DEPDC5: variants seen among roughly 807,000 people sequenced by gnomAD.
DEPDC5 encodes DEP domain containing 5, GATOR1 subcomplex subunit.
Under a neutral mutation model 217.3 loss-of-function variants are expected in DEPDC5, and 73 were observed. The ratio of observed to expected loss-of-function variants is 0.34; its 90% CI spans 0.28 to 0.41. The LOEUF is 0.41. Among genes scored for constraint, DEPDC5 ranks in the 10% least tolerant of loss-of-function variants. DEPDC5 has a pLI of 1.00. For missense variants in DEPDC5, 1,675 were observed against 2,070.1 expected, an observed-to-expected ratio of 0.81 and a Z score of 3.70; for synonymous variants, 733 against 756.7, an observed-to-expected ratio of 0.97 and a Z score of 0.51.
At chr22:31,815,826 C>T in intron 21 of DEPDC5, 1 of 1,196,258 alleles carries the variant, frequency 8.4e-7, no homozygotes, top group East Asian at 4.0e-5. Flanking sequence ...AATGTTACCG[C>T]ACCCTGCCTC....
chr22:31,814,865 G>A (rs1602096522), intron 20 of DEPDC5, 127 bp from the exon 21 acceptor site: 2 of 940,942 alleles, frequency 2.1e-6, no homozygotes, highest in Non-Finnish European at 3.3e-6. Flanking sequence ...TTTCCCACTT[G>A]TAGATCACAC....
chr22:31,864,501 A>AAAATATATAT (rs574324972), intron 33 of DEPDC5, among the ~76,000 whole-genome samples: 6 of 123,160 alleles, frequency 4.9e-5, no homozygotes, highest in Non-Finnish European at 1.0e-4. Context: ...TCTTCATTAA[A>AAAATATATAT]ATATATATAT....
intron 31 of DEPDC5, among the ~76,000 whole-genome samples, chr22:31,848,962 C>T (rs2091888917): frequency 6.6e-6 from 1 of 152,158 alleles, no homozygotes; most frequent in African/African-American, 2.4e-5. Flanking sequence ...CAAGAGAGAC[C>T]TTTACTCCAG....
intron 31 of DEPDC5, among the ~76,000 whole-genome samples, chr22:31,854,945 T>C (rs561996415): frequency 6.6e-6 from 1 of 151,902 alleles, no homozygotes; most frequent in Non-Finnish European, 1.5e-5. Context: ...AAGGACTTAA[T>C]TGAGTCTTGC....
At chr22:31,765,175 G>T in intron 5 of DEPDC5, 115 bp downstream of exon 5, 1 of 797,448 alleles carries the variant, frequency 1.3e-6, no homozygotes. Flanking sequence ...TTAAATGTGT[G>T]GCCTGCTAGG....
chr22:31,897,413 T>C, intron 39 of DEPDC5, 69 bp from the exon 40 acceptor site: 1 of 1,537,944 alleles, frequency 6.5e-7, no homozygotes, highest in Non-Finnish European at 8.8e-7. Context: ...GGTTTTCTCC[T>C]TGGGAAGTAT....
chr22:31,810,461 G>C, intron 19 of DEPDC5, 60 bp from the exon 20 acceptor site: 2 of 1,605,960 alleles, frequency 1.2e-6, no homozygotes, highest in Non-Finnish European at 1.7e-6. Flanking sequence ...GTGTATTTCA[G>C]CTCTCAGGCA....
chr22:31,799,735 C>T (rs569030841), intron 14 of DEPDC5, among the ~76,000 whole-genome samples: 8 of 149,192 alleles, frequency 5.4e-5, no homozygotes, highest in South Asian at 2.1e-4. Context: ...CTCCTGACCT[C>T]GTGATCCACC....
At chr22:31,888,240 GTTTTTTTTTTTTTTTT>G (rs71184531) in intron 38 of DEPDC5, among the ~76,000 whole-genome samples, 1 of 66,352 alleles carries the variant, frequency 1.5e-5, no homozygotes, top group African/African-American at 6.4e-5. Flanking sequence ...TTTGTCTGTG[GTTTTTTTTTTTTTTTT>G]TTTTTTTTTT....
At chr22:31,769,600 A>C (rs1411853999) in intron 7 of DEPDC5, 2 of 152,148 alleles carry the variant, frequency 1.3e-5, no homozygotes, top group Non-Finnish European at 2.9e-5. Flanking sequence ...TGAAGAAAAA[A>C]GAGACTTTGT....
intron 18 of DEPDC5, among the ~76,000 whole-genome samples, chr22:31,809,262 G>C (rs1431445258): frequency 6.6e-6 from 1 of 152,170 alleles, no homozygotes; most frequent in African/African-American, 2.4e-5. Context: ...TTTGGGTCAG[G>C]TGGGACAAAC....
chr22:31,772,406 G>A (rs2083442815), intron 7 of DEPDC5, among the ~76,000 whole-genome samples: 1 of 152,192 alleles, frequency 6.6e-6, no homozygotes, highest in Non-Finnish European at 1.5e-5. Flanking sequence ...GCCTGGATCT[G>A]TATCTGCAGA....
At position 31,906,149 on chromosome 22, in the gene DEPDC5, C is replaced by T; in HGVS notation, c.4520-56C>T. 2 of 1,613,044 alleles carry T rather than the reference C, an allele frequency of 1.2e-6. No homozygotes were observed. Among genetic ancestry groups the T allele is most frequent in the Non-Finnish European group, 8.5e-7 (1 of 1,179,408 alleles). On this transcript the variant is annotated intron_variant, in intron 42 of 42. Coordinates refer to ENST00000651528, the MANE Select transcript of DEPDC5 (RefSeq NM_001242896.3). The surrounding 1 kb of genome is among the most constrained non-coding windows in gnomAD (Gnocchi z 5.1). ...GCCTATGGCTGCAGAACCACCTCAG[C>T]AGGCTCCAGGAGCCCTCCTGGTGGC...
At position 31,906,392 on chromosome 22, in the gene DEPDC5, T is replaced by G. The variant is rs754737015; in HGVS notation, c.4707T>G (p.Ala1569=). 5.0e-6 allele frequency: 8 copies of G among 1,614,114 alleles called. No individual in the cohort carries two copies. Among genetic ancestry groups the G allele is most frequent in the Middle Eastern group, 1.6e-4 (1 of 6,062 alleles). ...GCGCCACAGGGGATGAAAAGTTTGC[T>G]GATCGGCTGCTGAAGGACTTCACGG... ...RSSATGDEKF[A]DRLLKDFTDF... Residue 1569 remains alanine, a synonymous_variant, in exon 43 of 43, where the codon GCT becomes GCG. Transcript: ENST00000651528. This position sits in a 1 kb window ranked among gnomAD's most constrained non-coding sequence, Gnocchi z 5.1.
Position 31,845,007 on chromosome 22 carries a change from T to A in DEPDC5, c.2802-11T>A. On this transcript the variant is annotated splice_polypyrimidine_tract_variant and intron_variant, in intron 29 of 42. Coordinates refer to ENST00000651528, the MANE Select transcript of DEPDC5 (RefSeq NM_001242896.3). The stretch of plus-strand genomic sequence containing the variant: ...TCTCACCACCACCCTGTGTTTTCCT[T>A]GCCCCCTTAGCTTAATTGAGTCCCT... 1 of 1,614,122 alleles carries A rather than the reference T, an allele frequency of 6.2e-7. No homozygotes were observed. The highest frequency in any genetic ancestry group is 1.1e-5 in the South Asian group (1 of 91,078).
At chr22:31,838,623 C>T in intron 26 of DEPDC5, 62 bp from the exon 27 acceptor site, 2 of 1,577,392 alleles carry the variant, frequency 1.3e-6, no homozygotes, top group Non-Finnish European at 1.7e-6. Context: ...TGAGACTGTG[C>T]ACTCTTAAGT....
At chr22:31,814,815 T>G (rs2088875371) in intron 20 of DEPDC5, 177 bp from the exon 21 acceptor site, 1 of 624,616 alleles carries the variant, frequency 1.6e-6, no homozygotes, top group African/African-American at 1.8e-5. Flanking sequence ...CTCTCTTATA[T>G]AACATCTCAA....
chr22:31,873,282 G>C lies in DEPDC5; in HGVS notation c.3513G>C (p.Leu1171Phe), dbSNP rs751645065. 1 of 1,614,008 alleles carries C rather than the reference G, an allele frequency of 6.2e-7. No homozygotes were observed. The highest frequency in any genetic ancestry group is 1.1e-5 in the South Asian group (1 of 91,062). Residue 1171 changes from leucine to phenylalanine, a missense_variant, in exon 35 of 43, where the codon TTG (leucine) becomes TTC (phenylalanine). By Grantham distance (22) the Leu-to-Phe change is conservative. Coordinates refer to ENST00000651528, the MANE Select transcript of DEPDC5 (RefSeq NM_001242896.3). ...SSSQQLVASS[L>F]TSSSTLTEIL... ...CTCAGCAGCTGGTGGCAAGCTCCTT[G>C]ACCTCATCCTCTACCCTGACAGAGA...
At chr22:31,861,174 C>G (rs1289881567) in intron 32 of DEPDC5, among the ~76,000 whole-genome samples, 194 bp from the exon 33 acceptor site, 2 of 151,034 alleles carry the variant, frequency 1.3e-5, no homozygotes, top group South Asian at 4.2e-4. Flanking sequence ...CTCTCTCTCT[C>G]TCTCTTTTTT....
Sources: gnomAD v4.1 joint callset for allele counts (sites outside exome capture counted in the v4.1 genomes callset) on GRCh38, gnomAD v4.1.1 for gene constraint, Gnocchi (gnomAD v3.1) non-coding constraint, MANE v1.5 for transcripts, NCBI Gene and HGNC (gene_info 2026-07-23, HGNC 2026-07-21) for gene names.